Variants in ZCCHC4 observed in about 807,000 individuals in gnomAD.
ZCCHC4 encodes the protein zinc finger CCHC-type containing 4, also known as rRNA N(6)-adenosine-methyltransferase ZCCHC4.
ZCCHC4 carries 54 observed loss-of-function variants against 67.7 expected under a neutral mutation model. The observed-to-expected ratio is 0.80, with a 90% CI of 0.64 to 1.00. The LOEUF (loss-of-function observed/expected upper bound fraction) is 1.00. ZCCHC4 is among the 50% of genes least tolerant of loss of function. The pLI is 0.00. For synonymous variants in ZCCHC4, 198 were observed against 213.5 expected, an observed-to-expected ratio of 0.93 and a Z score of 0.63; for missense variants, 609 against 617.0, an observed-to-expected ratio of 0.99 and a Z score of 0.14.
Position 25,324,014 on chromosome 4 carries a change from G to GTTGGTTTTTTT in ZCCHC4, c.329+8616_329+8617insGGTTTTTTTTT, listed in dbSNP as rs1553895903. ...TCGTACAGTATGTACTGTTTTTTGTGTTTTTTTTTTTTTTTTGAGACAGAG... is the reference window on the plus strand; with the variant it reads ...TCGTACAGTATGTACTGTTTTTTGTGTTGGTTTTTTTTTTTTTTTTTTTTTTTGAGACAGAG... On this transcript the variant is annotated intron_variant, in intron 3 of 12. Coordinates refer to ENST00000302874, the MANE Select transcript of ZCCHC4 (RefSeq NM_024936.3). Among the ~76,000 whole-genome samples, 36 of 82,424 alleles carry GTTGGTTTTTTT rather than the reference G, an allele frequency of 4.4e-4. 2 individuals are homozygous for GTTGGTTTTTTT. Among genetic ancestry groups the GTTGGTTTTTTT allele is most frequent in the African/African-American group, 1.9e-3 (36 of 19,168 alleles). 54.1% of individuals were successfully genotyped at this position (82,424 alleles called of 152,430 possible).
chr4:25,362,504 C>T (rs1048243486), intron 10 of ZCCHC4, among the ~76,000 whole-genome samples: 21 of 152,082 alleles, frequency 1.4e-4, no homozygotes, highest in Admixed American at 3.9e-4. Flanking sequence ...TTCATTATCA[C>T]GAACTCATTT....
intron 8 of ZCCHC4, among the ~76,000 whole-genome samples, chr4:25,355,075 C>T (rs999407605): frequency 3.0e-4 from 45 of 152,064 alleles, no homozygotes; most frequent in African/African-American, 1.1e-3. Context: ...GTAGACTCTT[C>T]AGTGATCAAG....
At chr4:25,350,848 T>G (rs1398059063) in intron 7 of ZCCHC4, among the ~76,000 whole-genome samples, 3 of 152,350 alleles carry the variant, frequency 2.0e-5, no homozygotes, top group African/African-American at 7.2e-5. Context: ...TTCTGCCACT[T>G]ATTAGCTGCA....
chr4:25,362,482 T>C (rs1170218096), intron 10 of ZCCHC4, among the ~76,000 whole-genome samples, 181 bp downstream of exon 10: 2 of 152,226 alleles, frequency 1.3e-5, no homozygotes, highest in Non-Finnish European at 2.9e-5. Context: ...CTTTTAAAAA[T>C]ACTTAACTGC....
Position 25,312,954 on chromosome 4 carries a change from C to T in ZCCHC4, c.127+18C>T. ...CCCTCACGGTGGGTCAGAGTCTGGG[C>T]TCAGCCTAACTGCCGGGCGCTGAGG... On this transcript the variant is annotated intron_variant, in intron 1 of 12. Transcript: ENST00000302874. The T allele has an allele frequency of 6.2e-7, 1 of 1,609,990 alleles. No homozygotes were observed. The highest frequency in any genetic ancestry group is 1.1e-5 in the South Asian group (1 of 90,990).
intron 3 of ZCCHC4, among the ~76,000 whole-genome samples, chr4:25,323,029 A>G (rs964279163): frequency 6.6e-6 from 1 of 152,228 alleles, no homozygotes; most frequent in Non-Finnish European, 1.5e-5. Context: ...ATCAAAAGGC[A>G]GATAATGTTT....
At chr4:25,364,875 TG>T in intron 11 of ZCCHC4, 146 bp from the exon 12 acceptor site, 3 of 1,084,680 alleles carry the variant, frequency 2.8e-6, no homozygotes, top group Non-Finnish European at 3.9e-6. Flanking sequence ...CTCTTCTCCC[TG>T]GTCTCTTTAG....
At chr4:25,339,314 A>G (rs773126742) in intron 5 of ZCCHC4, among the ~76,000 whole-genome samples, 2 of 152,222 alleles carry the variant, frequency 1.3e-5, no homozygotes, top group Non-Finnish European at 2.9e-5. Context: ...CTAGAAGTGG[A>G]ATTGCTAGGT....
intron 5 of ZCCHC4, among the ~76,000 whole-genome samples, chr4:25,342,290 A>G (rs1241476454): frequency 6.6e-6 from 1 of 152,202 alleles, no homozygotes; most frequent in African/African-American, 2.4e-5. Context: ...TGCATAGTAT[A>G]GAGTGACAGT....
chr4:25,355,995 C>T (rs528350759), intron 8 of ZCCHC4, among the ~76,000 whole-genome samples: 1 of 152,220 alleles, frequency 6.6e-6, no homozygotes, highest in South Asian at 2.1e-4. Context: ...TCTTTCCTGG[C>T]CTGATACCTG....
chr4:25,335,565 G>T (rs1393696868), intron 5 of ZCCHC4, among the ~76,000 whole-genome samples: 1 of 152,122 alleles, frequency 6.6e-6, no homozygotes, highest in Non-Finnish European at 1.5e-5. Flanking sequence ...TTCAAAACCA[G>T]CCTGGGCAAC....
At chr4:25,361,174 G>C (rs1408841443) in intron 8 of ZCCHC4, among the ~76,000 whole-genome samples, 1 of 152,218 alleles carries the variant, frequency 6.6e-6, no homozygotes, top group Non-Finnish European at 1.5e-5. Context: ...TGCCTTTAAA[G>C]GTAGGGGAAC....
rs1375018678 is a variant in ZCCHC4, at chr4:25,359,670, A to G, written c.1012-2189A>G. Among the ~76,000 whole-genome samples, 1 of 152,226 alleles carries G rather than the reference A, an allele frequency of 6.6e-6. No homozygotes were observed. The highest frequency in any genetic ancestry group is 1.9e-4 in the East Asian group (1 of 5,188). ...GATTTTGGCCAGGGTCGACTAGGAG[A>G]GAATTGATAAGCAGCCCAGTGAACT... On this transcript the variant is annotated intron_variant, in intron 8 of 12. Transcript: ENST00000302874. This position sits in a 1 kb window ranked among gnomAD's most constrained non-coding sequence, Gnocchi z 4.9.
Position 25,355,076 on chromosome 4 carries a change from A to G in ZCCHC4, c.1011+3387A>G, listed in dbSNP as rs1375861941. Among the ~76,000 whole-genome samples, 5 of 152,310 alleles carry G rather than the reference A, an allele frequency of 3.3e-5. No homozygotes were observed. The South Asian group carries it at 8.3e-4, about 25-fold the overall frequency. On this transcript the variant is annotated intron_variant, in intron 8 of 12. Transcript: ENST00000302874. ...AAAACATAAATTATGTAGACTCTTC[A>G]GTGATCAAGCACTTGATGAATACAG... is the stretch of plus-strand genomic sequence containing the variant.
intron 6 of ZCCHC4, among the ~76,000 whole-genome samples, chr4:25,347,054 G>C (rs1339290694): frequency 1.3e-5 from 2 of 152,182 alleles, no homozygotes; most frequent in African/African-American, 4.8e-5. Context: ...GGGGTTGGTA[G>C]GATATTGATG....
intron 5 of ZCCHC4, among the ~76,000 whole-genome samples, chr4:25,336,683 C>T (rs886240735): frequency 1.3e-5 from 2 of 152,176 alleles, no homozygotes; most frequent in African/African-American, 2.4e-5. Context: ...GAGGGGATTT[C>T]ACCATGTTGG....
chr4:25,325,353 T>C (rs889644363), intron 3 of ZCCHC4, among the ~76,000 whole-genome samples: 1 of 144,290 alleles, frequency 6.9e-6, no homozygotes, highest in African/African-American at 2.5e-5. Flanking sequence ...CTGCAACCTC[T>C]GTCTCCTGAG....
intron 10 of ZCCHC4, among the ~76,000 whole-genome samples, chr4:25,362,910 T>A (rs926702379): frequency 6.6e-6 from 1 of 152,140 alleles, no homozygotes; most frequent in African/African-American, 2.4e-5. Context: ...GGTACAGAGA[T>A]TCCCCCTATG....
chr4:25,319,012 T>C (rs889613578), intron 3 of ZCCHC4, among the ~76,000 whole-genome samples: 1 of 152,164 alleles, frequency 6.6e-6, no homozygotes, highest in Non-Finnish European at 1.5e-5. Context: ...AAAATGCTAG[T>C]AATGGGGTTG....
Sources: allele counts gnomAD v4.1 joint callset (sites outside exome capture counted in the v4.1 genomes callset), GRCh38; gene constraint gnomAD v4.1.1; non-coding constraint Gnocchi (gnomAD v3.1); transcripts MANE v1.5; gene names NCBI Gene and HGNC (gene_info 2026-07-23, HGNC 2026-07-21).